ITFG2: variants seen among roughly 807,000 people sequenced by gnomAD.
The protein encoded by ITFG2 is KICSTOR complex protein ITFG2.
In ITFG2, 36 loss-of-function variants were observed where a neutral mutation model predicts 54.4. The observed-to-expected ratio is 0.66, with a 90% CI of 0.51 to 0.87. The LOEUF is 0.87. Among genes scored for constraint, ITFG2 ranks in the 40% least tolerant of loss-of-function variants. The pLI, the probability that ITFG2 is intolerant of heterozygous loss-of-function variation, is 0.00. For missense variants in ITFG2, 524 were observed against 576.7 expected, an observed-to-expected ratio of 0.91 and a Z score of 0.94; for synonymous variants, 211 against 225.4, an observed-to-expected ratio of 0.94 and a Z score of 0.57.
At chr12:2,842,287 AT>A (rs1308865370) in intron 2 of ITFG2, among the ~76,000 whole-genome samples, 1 of 146,982 alleles carries the variant, frequency 6.8e-6, no homozygotes, top group Non-Finnish European at 1.5e-5. Flanking sequence ...ACGCCCAGCT[AT>A]TTTTTTGTAT....
chr12:2,850,239 G>T (rs925524553), intron 2 of ITFG2, among the ~76,000 whole-genome samples: 2 of 152,100 alleles, frequency 1.3e-5, no homozygotes, highest in Admixed American at 6.6e-5. Flanking sequence ...ACTTTGGGAG[G>T]CCGAGGCGGG....
At chr12:2,849,886 TC>T (rs1170806060) in intron 2 of ITFG2, among the ~76,000 whole-genome samples, 2 of 152,212 alleles carry the variant, frequency 1.3e-5, no homozygotes, top group Non-Finnish European at 2.9e-5. Flanking sequence ...AGAACTCAGC[TC>T]AACTGGATAA....
At chr12:2,827,811 T>G, downstream of ITFG2, 1 of 1,602,816 alleles carries the variant, frequency 6.2e-7, no homozygotes, top group Admixed American at 1.7e-5. This position sits in a 1 kb window ranked among gnomAD's most constrained non-coding sequence, Gnocchi z 4.0. Flanking sequence ...TGGGGGATAG[T>G]CAGAACATCT....
intron 1 of ITFG2, among the ~76,000 whole-genome samples, chr12:2,815,076 C>G (rs183134190): frequency 6.6e-6 from 1 of 151,844 alleles, no homozygotes; most frequent in Non-Finnish European, 1.5e-5. Flanking sequence ...CAGGTTCAAG[C>G]GAACCTTGGC....
intron 4 of ITFG2, 67 bp from the exon 5 acceptor site, chr12:2,820,019 A>G (rs1447483692): frequency 6.5e-7 from 1 of 1,537,490 alleles, no homozygotes; most frequent in African/African-American, 1.4e-5. Context: ...GGAAGGTGCC[A>G]CTGTTAGCAG....
At chr12:2,857,164 T>A (rs2098090053) in intron 2 of ITFG2, 1 of 682,900 alleles carries the variant, frequency 1.5e-6, no homozygotes. Flanking sequence ...CCCTGGAGCC[T>A]CTTGTGACCC....
chr12:2,840,454 T>TAAA (rs2098038398), intron 1 of ITFG2, among the ~76,000 whole-genome samples: 2 of 114,306 alleles, frequency 1.7e-5, no homozygotes, highest in African/African-American at 8.7e-5. Context: ...AGACTCTGTC[T>TAAA]CAAAAAAAAA....
rs547443768 is a variant in ITFG2, at chr12:2,821,951, A to G, written c.948+159A>G. Among the ~76,000 whole-genome samples, 300 of 142,252 alleles carry G rather than the reference A, an allele frequency of 2.1e-3. 3 individuals are homozygous for G. The highest frequency in any genetic ancestry group is 7.8e-3 in the African/African-American group (295 of 37,710). The allele number at this position is 142,252 out of a possible 152,430, so 93.3% of individuals were successfully genotyped here. ...TTTTCCTTTTTTTTTTTTTTGAGAC[A>G]GGGTCTCCCCCCTACCACCTAGGCT... On this transcript the variant is annotated intron_variant, in intron 9 of 11. Coordinates refer to ENST00000228799, the MANE Select transcript of ITFG2 (RefSeq NM_018463.4).
At chr12:2,851,668 A>T (rs376633313) in intron 2 of ITFG2, among the ~76,000 whole-genome samples, 1 of 148,986 alleles carries the variant, frequency 6.7e-6, no homozygotes, top group Non-Finnish European at 1.5e-5. Flanking sequence ...TTTTAATTTT[A>T]TTTATTTTTT....
chr12:2,835,018 G>C (rs376589996), upstream of ITFG2: 2 of 1,515,382 alleles, frequency 1.3e-6, no homozygotes, highest in African/African-American at 1.4e-5. Flanking sequence ...AATTTCCCGA[G>C]ATTGCTGTAG....
At chr12:2,814,976 A>ATT (rs774533422) in intron 1 of ITFG2, among the ~76,000 whole-genome samples, 1 of 146,482 alleles carries the variant, frequency 6.8e-6, no homozygotes, top group African/African-American at 2.5e-5. Flanking sequence ...AAAAATAAAG[A>ATT]TTTTTTTTTT....
chr12:2,850,144 G>A (rs1437432954), intron 2 of ITFG2, among the ~76,000 whole-genome samples: 1 of 152,078 alleles, frequency 6.6e-6, no homozygotes, highest in African/African-American at 2.4e-5. Context: ...CAGTTAGTTA[G>A]AATCTCCAGA....
intron 2 of ITFG2, among the ~76,000 whole-genome samples, chr12:2,854,140 C>G (rs1271392920): frequency 1.3e-5 from 2 of 152,246 alleles, no homozygotes; most frequent in Admixed American, 6.5e-5. Context: ...ATTCTCCTGC[C>G]TCAGTCTCCT....
At chr12:2,827,307 G>T, downstream of ITFG2, 1 of 1,611,146 alleles carries the variant, frequency 6.2e-7, no homozygotes, top group Non-Finnish European at 8.5e-7. The surrounding 1 kb of genome is among the most constrained non-coding windows in gnomAD (Gnocchi z 4.0). Flanking sequence ...GCACTGCGGG[G>T]TGTAGAGCAG....
At chr12:2,838,648 G>A (rs1290213984) in intron 1 of ITFG2, among the ~76,000 whole-genome samples, 1 of 152,202 alleles carries the variant, frequency 6.6e-6, no homozygotes, top group Non-Finnish European at 1.5e-5. Context: ...GTGGAGTAGG[G>A]AGAGAGTTGG....
rs1448271148 is a variant in ITFG2 at position 2,812,862 on chromosome 12, T to G, written c.96+6T>G. The G allele has an allele frequency of 6.2e-7, 1 of 1,603,910 alleles. No individual in the cohort carries two copies. Among genetic ancestry groups the G allele is most frequent in the Non-Finnish European group, 8.5e-7 (1 of 1,172,806 alleles). ...GAGACGTTGATAACGATACGGTAGG[T>G]GCATGCGCACCGCAAGAGACAGCCT... On this transcript the variant is annotated splice_donor_region_variant and intron_variant, in intron 1 of 11. Coordinates refer to ENST00000228799, the MANE Select transcript of ITFG2 (RefSeq NM_018463.4).
intron 9 of ITFG2, 29 bp from the exon 10 acceptor site, chr12:2,822,765 A>G (rs762202878): frequency 1.3e-6 from 2 of 1,585,448 alleles, no homozygotes; most frequent in African/African-American, 2.7e-5. Context: ...CAGCTCCTTT[A>G]TGTTCCTTTT....
At chr12:2,854,685 C>T (rs1262627719) in intron 2 of ITFG2, among the ~76,000 whole-genome samples, 1 of 152,128 alleles carries the variant, frequency 6.6e-6, no homozygotes, top group African/African-American at 2.4e-5. Flanking sequence ...GCATAGCTGT[C>T]CCCCAGATTT....
intron 1 of ITFG2, among the ~76,000 whole-genome samples, chr12:2,839,438 C>T (rs967756052): frequency 7.9e-5 from 12 of 152,198 alleles, no homozygotes; most frequent in South Asian, 2.1e-4. Context: ...TATTCTCGTC[C>T]AAAACACTTG....
Sources: allele counts gnomAD v4.1 joint callset (sites outside exome capture counted in the v4.1 genomes callset), GRCh38; gene constraint gnomAD v4.1.1; non-coding constraint Gnocchi (gnomAD v3.1); transcripts MANE v1.5; gene names NCBI Gene and HGNC (gene_info 2026-07-23, HGNC 2026-07-21).